Variants in SAMD12 observed in about 807,000 individuals in gnomAD.
SAMD12 encodes sterile alpha motif domain-containing protein 12.
SAMD12 carries 9 observed loss-of-function variants against 15.0 expected under a neutral mutation model. That is an observed-to-expected ratio of 0.60 (90% CI 0.36 to 1.05). The LOEUF (loss-of-function observed/expected upper bound fraction) is 1.05, where lower values mean the gene tolerates loss of function less well. Among genes scored for constraint, SAMD12 ranks in the 50% least tolerant of loss-of-function variants. The pLI is 0.01. For missense variants in SAMD12, 230 were observed against 234.2 expected, an observed-to-expected ratio of 0.98 and a Z score of 0.12; for synonymous variants, 86 against 90.1, an observed-to-expected ratio of 0.96 and a Z score of 0.25.
Position 118,199,099 on chromosome 8 carries a change from G to A in SAMD12, c.434-1367C>T, listed in dbSNP as rs148315980. On this transcript the variant is annotated intron_variant, in intron 4 of 4. Transcript: ENST00000409003. ...TATGTAGCAACATGGAAACAGTTAT[G>A]ATATACTACAATATAAAGCTTATAT... Among the ~76,000 whole-genome samples, 724 of 152,176 alleles carry A rather than the reference G, an allele frequency of 4.8e-3. 7 individuals carry two copies. Among genetic ancestry groups the A allele is most frequent in the African/African-American group, 0.016 (653 of 41,516 alleles).
intron 3 of SAMD12, among the ~76,000 whole-genome samples, chr8:118,422,604 T>C (rs937575306): frequency 2.6e-5 from 4 of 152,152 alleles, no homozygotes; most frequent in Admixed American, 2.6e-4. Context: ...AACTTAGGAA[T>C]TGTGACGTTA....
intron 2 of SAMD12, among the ~76,000 whole-genome samples, chr8:118,551,713 C>T (rs1330987559): frequency 2.7e-5 from 4 of 149,408 alleles, no homozygotes; most frequent in African/African-American, 9.8e-5. Context: ...ACAAAAAACC[C>T]TTCAAAAAAT....
chr8:118,614,382 C>G (rs1828188045), intron 1 of SAMD12, among the ~76,000 whole-genome samples: 1 of 152,192 alleles, frequency 6.6e-6, no homozygotes, highest in South Asian at 2.1e-4. Flanking sequence ...CCCAGGCACT[C>G]AGCAGGTCCT....
At chr8:118,294,223 A>T (rs901703740) in intron 4 of SAMD12, among the ~76,000 whole-genome samples, 1 of 152,244 alleles carries the variant, frequency 6.6e-6, no homozygotes, top group Admixed American at 6.5e-5. Context: ...ACTGACAGCC[A>T]GGAATGCCAT....
intron 1 of SAMD12, among the ~76,000 whole-genome samples, chr8:118,612,331 T>A (rs567040728): frequency 6.6e-6 from 1 of 152,228 alleles, no homozygotes; most frequent in African/African-American, 2.4e-5. Flanking sequence ...TGACAAATTC[T>A]TATTACAAGA....
At chr8:118,352,180 TCATC>T (rs1217203352) in intron 4 of SAMD12, among the ~76,000 whole-genome samples, 1 of 152,222 alleles carries the variant, frequency 6.6e-6, no homozygotes, top group Non-Finnish European at 1.5e-5. Flanking sequence ...GTTGAAGCAG[TCATC>T]CAACAACTAA....
chr8:118,336,519 A>G (rs1817074915), intron 4 of SAMD12, among the ~76,000 whole-genome samples: 1 of 151,812 alleles, frequency 6.6e-6, no homozygotes, highest in South Asian at 2.1e-4. Context: ...ATGATTTATA[A>G]TCCTTTGGGT....
intron 2 of SAMD12, among the ~76,000 whole-genome samples, chr8:118,549,802 A>C (rs1826264417): frequency 6.6e-6 from 1 of 152,240 alleles, no homozygotes; most frequent in Admixed American, 6.5e-5. Flanking sequence ...CGAATGTATA[A>C]CTAGAATAAC....
intron 3 of SAMD12, among the ~76,000 whole-genome samples, chr8:118,419,930 G>A (rs568601845): frequency 1.3e-5 from 2 of 152,344 alleles, no homozygotes; most frequent in African/African-American, 4.8e-5. Flanking sequence ...ACTGGGGAAA[G>A]ATGCTGAAAA....
intron 2 of SAMD12, among the ~76,000 whole-genome samples, chr8:118,467,258 C>T (rs1383792250): frequency 6.6e-6 from 1 of 152,166 alleles, no homozygotes; most frequent in Non-Finnish European, 1.5e-5. Context: ...CAAATCCCAG[C>T]TTGACACCTA....
At chr8:118,526,841 A>T (rs1451259227) in intron 2 of SAMD12, among the ~76,000 whole-genome samples, 2 of 152,132 alleles carry the variant, frequency 1.3e-5, no homozygotes, top group Non-Finnish European at 2.9e-5. Flanking sequence ...AAAAAGGAAG[A>T]CGTATGCTGA....
At chr8:118,387,484 G>GCAA (rs1820028316) in intron 3 of SAMD12, among the ~76,000 whole-genome samples, 1 of 151,816 alleles carries the variant, frequency 6.6e-6, no homozygotes, top group Admixed American at 6.6e-5. Context: ...CCTCATAATT[G>GCAA]TAATAATATC....
intron 2 of SAMD12, among the ~76,000 whole-genome samples, chr8:118,442,938 T>G (rs1822803451): frequency 6.6e-6 from 1 of 152,214 alleles, no homozygotes; most frequent in African/African-American, 2.4e-5. Context: ...GGGAGGACGC[T>G]CAGCCTCAGC....
chr8:118,135,686 G>A, the SAMD12 span, among the ~76,000 whole-genome samples: 1 of 152,158 alleles, frequency 6.6e-6, no homozygotes, highest in Non-Finnish European at 1.5e-5. Flanking sequence ...GGGACCATAG[G>A]CATGTGCCAG....
Position 118,529,692 on chromosome 8 carries a change from G to A in SAMD12, c.192+51023C>T, listed in dbSNP as rs372889204. Among the ~76,000 whole-genome samples the A allele has an allele frequency of 9.9e-5, 15 of 152,226 alleles. No homozygotes were observed. In the South Asian group the frequency reaches 2.7e-3, roughly 27 times the overall value. ...TATGTCACTTAGACTATGGCTTCCA[G>A]TTCCATTCATCTTGCTGCAAAAGCC... is the stretch of plus-strand genomic sequence containing the variant. On this transcript the variant is annotated intron_variant, in intron 2 of 3. Transcript: ENST00000314727.
chr8:118,254,997 T>C (rs1000725937), intron 4 of SAMD12, among the ~76,000 whole-genome samples: 2 of 152,056 alleles, frequency 1.3e-5, no homozygotes, highest in African/African-American at 4.8e-5. Context: ...ATTATCATGA[T>C]GTGGCTTGAT....
chr8:118,317,405 G>A (rs982272334), intron 4 of SAMD12, among the ~76,000 whole-genome samples: 1 of 152,180 alleles, frequency 6.6e-6, no homozygotes, highest in African/African-American at 2.4e-5. Context: ...ATTATGGAAT[G>A]CATAAATAAA....
At chr8:118,148,878 CTGAATAGTAGT>C in the SAMD12 span, among the ~76,000 whole-genome samples, 1 of 152,156 alleles carries the variant, frequency 6.6e-6, no homozygotes, top group African/African-American at 2.4e-5. Context: ...TTTTTAACTG[CTGAATAGTAGT>C]TCTATTGTAC....
At chr8:118,302,312 T>G (rs899049707) in intron 4 of SAMD12, among the ~76,000 whole-genome samples, 1 of 152,130 alleles carries the variant, frequency 6.6e-6, no homozygotes, top group African/African-American at 2.4e-5. Flanking sequence ...TTCATTTAGT[T>G]CTTTGCTCAT....
Sources: allele counts gnomAD v4.1 joint callset (sites outside exome capture counted in the v4.1 genomes callset), GRCh38; gene constraint gnomAD v4.1.1; transcripts MANE v1.5; gene names NCBI Gene and HGNC (gene_info 2026-07-23, HGNC 2026-07-21).